The following FGF14 variants were observed in gnomAD, a reference collection of about 807,000 sequenced individuals.
FGF14 encodes fibroblast growth factor homologous factor 4.
Under a neutral mutation model 25.5 loss-of-function variants are expected in FGF14, and 5 were observed. That is an observed-to-expected ratio of 0.20 (90% CI 0.10 to 0.41). The LOEUF is 0.41. Among genes scored for constraint, FGF14 ranks in the 10% least tolerant of loss-of-function variants. FGF14 has a pLI of 1.00. For missense variants in FGF14, 222 were observed against 320.1 expected (o/e 0.69, Z 2.34); for synonymous variants, 138 against 118.3 (o/e 1.17, Z -1.08).
At chr13:102,240,264 A>G (rs2051530027) in intron 1 of FGF14, among the ~76,000 whole-genome samples, 1 of 152,188 alleles carries the variant, frequency 6.6e-6, no homozygotes, top group Non-Finnish European at 1.5e-5. Flanking sequence ...ATCTTAATTC[A>G]AAACAGAATA....
At chr13:101,991,861 A>G (rs1224196084) in intron 1 of FGF14, among the ~76,000 whole-genome samples, 1 of 152,130 alleles carries the variant, frequency 6.6e-6, no homozygotes, top group Middle Eastern at 3.2e-3. Flanking sequence ...TGTGTTCTCA[A>G]AGAAAAATCC....
At chr13:102,038,403 A>G (rs1197431876) in intron 1 of FGF14, among the ~76,000 whole-genome samples, 1 of 152,154 alleles carries the variant, frequency 6.6e-6, no homozygotes, top group Non-Finnish European at 1.5e-5. Flanking sequence ...CTCCTAGGGT[A>G]TGCAAAACTT....
intron 1 of FGF14, among the ~76,000 whole-genome samples, chr13:101,959,119 T>C (rs2036684792): frequency 6.6e-6 from 1 of 152,188 alleles, no homozygotes; most frequent in African/African-American, 2.4e-5. Flanking sequence ...TAGATTCTCA[T>C]AAGGAGTGCA....
At chr13:102,053,577 G>T (rs1273214244) in intron 1 of FGF14, among the ~76,000 whole-genome samples, 1 of 152,110 alleles carries the variant, frequency 6.6e-6, no homozygotes, top group Non-Finnish European at 1.5e-5. Flanking sequence ...AGTAAAAGCA[G>T]TTTTAAGAAG....
At chr13:102,192,003 A>G (rs1279464977) in intron 1 of FGF14, among the ~76,000 whole-genome samples, 1 of 152,188 alleles carries the variant, frequency 6.6e-6, no homozygotes, top group African/African-American at 2.4e-5. Context: ...TTTTCATTTA[A>G]TGCCATTTAT....
chr13:101,724,012 C>T (rs186787465), intron 4 of FGF14, among the ~76,000 whole-genome samples: 13 of 152,164 alleles, frequency 8.5e-5, no homozygotes, highest in East Asian at 3.9e-4. Context: ...CAATGCATCA[C>T]GTGAGTTTTC....
At chr13:101,985,037 G>A (rs915460068) in intron 1 of FGF14, among the ~76,000 whole-genome samples, 3 of 149,856 alleles carry the variant, frequency 2.0e-5, no homozygotes, top group African/African-American at 7.3e-5. Context: ...AGATTGTCAT[G>A]AGCGTATAAA....
intron 3 of FGF14, among the ~76,000 whole-genome samples, chr13:101,823,741 A>G (rs2042271668): frequency 6.6e-6 from 1 of 150,586 alleles, no homozygotes; most frequent in South Asian, 2.1e-4. Context: ...CCAGCCTATC[A>G]TTATATATTT....
chr13:102,217,019 C>G (rs764385328), intron 1 of FGF14, among the ~76,000 whole-genome samples: 20 of 152,324 alleles, frequency 1.3e-4, no homozygotes, highest in Non-Finnish European at 2.6e-4. Context: ...AAATACTCCA[C>G]TGTGTAGATG....
intron 3 of FGF14, among the ~76,000 whole-genome samples, chr13:101,828,172 G>A (rs981533480): frequency 6.6e-6 from 1 of 151,892 alleles, no homozygotes; most frequent in African/African-American, 2.4e-5. Context: ...CAACAGCCAC[G>A]AATAGATGAT....
chr13:101,811,035 C>CCCCG (rs778574843), intron 3 of FGF14, among the ~76,000 whole-genome samples: 1 of 16,350 alleles, frequency 6.1e-5, no homozygotes, highest in African/African-American at 1.3e-4. Context: ...CATATCCGCC[C>CCCCG]CCCCCGGCCC....
At chr13:101,955,096 A>T (rs780252268) in intron 1 of FGF14, among the ~76,000 whole-genome samples, 4 of 152,208 alleles carry the variant, frequency 2.6e-5, no homozygotes, top group Non-Finnish European at 4.4e-5. Context: ...TAACTCTTGA[A>T]TAGTGTGGAT....
At chr13:102,356,120 T>C (rs936110977) in intron 1 of FGF14, among the ~76,000 whole-genome samples, 5 of 152,158 alleles carry the variant, frequency 3.3e-5, no homozygotes, top group South Asian at 2.1e-4. Context: ...AAGTGGAGAA[T>C]TGGAGAAAAA....
chr13:102,328,673 C>A (rs1057368396), intron 1 of FGF14, among the ~76,000 whole-genome samples: 1 of 152,134 alleles, frequency 6.6e-6, no homozygotes, highest in African/African-American at 2.4e-5. Context: ...GGAGCAATAA[C>A]GTAGAGTGGT....
intron 3 of FGF14, among the ~76,000 whole-genome samples, chr13:101,734,715 C>T (rs1458203432): frequency 6.6e-6 from 1 of 152,136 alleles, no homozygotes; most frequent in Non-Finnish European, 1.5e-5. Context: ...CTACATAATA[C>T]ACTAATTTAA....
chr13:102,236,351 C>A (rs2051327605), intron 1 of FGF14, among the ~76,000 whole-genome samples: 1 of 152,128 alleles, frequency 6.6e-6, no homozygotes, highest in African/African-American at 2.4e-5. Context: ...TTAAGAATGG[C>A]CTAAAATTAC....
intron 1 of FGF14, among the ~76,000 whole-genome samples, chr13:101,962,257 T>A (rs975555521): frequency 2.0e-5 from 3 of 152,204 alleles, no homozygotes; most frequent in Non-Finnish European, 4.4e-5. Context: ...GTTGCTCTCC[T>A]TGAAGAGGTG....
intron 3 of FGF14, among the ~76,000 whole-genome samples, chr13:101,799,786 A>G (rs573226766): frequency 2.6e-5 from 4 of 152,224 alleles, no homozygotes; most frequent in Admixed American, 1.3e-4. Flanking sequence ...ACAAATGAAC[A>G]TTAGGAACTA....
intron 1 of FGF14, among the ~76,000 whole-genome samples, chr13:101,951,664 C>T (rs1230995409): frequency 6.6e-6 from 1 of 152,054 alleles, no homozygotes; most frequent in Non-Finnish European, 1.5e-5. Flanking sequence ...GATTTCAAGC[C>T]TTCAGATTCA....
Sources: allele counts gnomAD v4.1 joint callset (sites outside exome capture counted in the v4.1 genomes callset), GRCh38; gene constraint gnomAD v4.1.1; transcripts MANE v1.5; gene names NCBI Gene and HGNC (gene_info 2026-07-23, HGNC 2026-07-21).